ZC3H14: variants seen among roughly 807,000 people sequenced by gnomAD.
ZC3H14 encodes zinc finger CCCH domain-containing protein 14.
A neutral mutation model predicts 92.4 loss-of-function variants in ZC3H14; 31 were observed. The observed-to-expected ratio is 0.34, with a 90% CI of 0.25 to 0.45. The LOEUF is 0.45. Ranked by LOEUF, ZC3H14 falls within the 20% of genes least tolerant of loss-of-function variation. The pLI, the probability that ZC3H14 is intolerant of heterozygous loss-of-function variation, is 1.00. For missense variants in ZC3H14, 781 were observed against 897.3 expected (o/e 0.87, Z 1.66); for synonymous variants, 321 against 300.9 (o/e 1.07, Z -0.69).
rs1484969788 is a variant in ZC3H14 at position 88,615,262 on chromosome 14, T to TA, written c.*3517dup. 1 of 152,206 alleles carries TA rather than the reference T, an allele frequency of 6.6e-6. No homozygotes were observed. Among genetic ancestry groups the TA allele is most frequent in the Non-Finnish European group, 1.5e-5 (1 of 68,034 alleles). The allele number at this position is 152,206 out of a possible 1,614,324, so 9.4% of individuals were successfully genotyped here. On this transcript the variant is annotated 3_prime_UTR_variant, in exon 17 of 17. Coordinates refer to ENST00000251038, the MANE Select transcript of ZC3H14 (RefSeq NM_024824.5). ...TATAAAAAAGGACCTTATTAATGCC[T>TA]AAAAAACATCATATTCTCTAGGAAA... is the stretch of plus-strand genomic sequence containing the variant.
At chr14:88,611,009 T>G in intron 16 of ZC3H14, 69 bp downstream of exon 16, 1 of 1,469,002 alleles carries the variant, frequency 6.8e-7, no homozygotes, top group Admixed American at 1.7e-5. Context: ...TTTCTAAATT[T>G]ATAAGCACAC....
At chr14:88,585,628 T>TA (rs1444331389) in intron 9 of ZC3H14, among the ~76,000 whole-genome samples, 2 of 152,092 alleles carry the variant, frequency 1.3e-5, no homozygotes, top group African/African-American at 4.8e-5. Flanking sequence ...CTGACCTTGT[T>TA]ATCTGCCCGC....
At chr14:88,599,307 C>G (rs747198310) in intron 10 of ZC3H14, among the ~76,000 whole-genome samples, 69 of 152,192 alleles carry the variant, frequency 4.5e-4, no homozygotes, top group Non-Finnish European at 7.8e-4. Flanking sequence ...TCTTAATCAT[C>G]TGTTTTCCAC....
intron 13 of ZC3H14, chr14:88,608,779 C>G (rs2086040830): frequency 6.1e-6 from 1 of 164,468 alleles, no homozygotes. Context: ...ATGTAATGAG[C>G]TTTATGAGAT....
In ZC3H14 at chr14:88,602,069, C is replaced by T; in HGVS notation, c.1500C>T (p.His500=). 1.2e-6 allele frequency: 2 copies of T among 1,614,026 alleles called. No homozygotes were observed. The highest frequency in any genetic ancestry group is 1.7e-6 in the Non-Finnish European group (2 of 1,179,926). The change falls in exon 11 of 17, where the codon CAC becomes CAT. Residue 500 remains histidine (H), a synonymous_variant. Transcript: ENST00000251038. Reference sequence around the variant, plus strand: ...ATTCCCTTCGGGTACTTTCAGGACACCTTATGCAGACACGGTAGATGGTTT... The same window carrying T: ...ATTCCCTTCGGGTACTTTCAGGACATCTTATGCAGACACGGTAGATGGTTT... ...TADSLRVLSG[H]LMQTRDLVQP...
intron 1 of ZC3H14, 22 bp downstream of exon 1, chr14:88,563,191 G>A (rs1402123230): frequency 6.2e-7 from 1 of 1,602,228 alleles, no homozygotes. Context: ...GCCGGTCGGG[G>A]GTGGGAAGCC....
In ZC3H14 at chr14:88,622,894, C is replaced by T; in HGVS notation, c.*11143C>T. ...GGCAATTTGAGGATATACTATATCTCAGTCAAAATAAACATCCAGTTTCAG... is the reference window on the plus strand; with the variant it reads ...GGCAATTTGAGGATATACTATATCTTAGTCAAAATAAACATCCAGTTTCAG... On this transcript the variant is annotated 3_prime_UTR_variant, in exon 17 of 17. Coordinates refer to ENST00000251038, the MANE Select transcript of ZC3H14 (RefSeq NM_024824.5). 2.2e-6 allele frequency: 1 copy of T among 449,636 alleles called. No individual in the cohort carries two copies. Among genetic ancestry groups the T allele is most frequent in the Non-Finnish European group, 3.9e-6 (1 of 256,414 alleles). The allele number at this position is 449,636 out of a possible 1,614,324, so 27.9% of individuals were successfully genotyped here. A position where few individuals can be genotyped will look rare whatever the true frequency, so the allele number is the denominator to read the frequency against.
At chr14:88,570,916 G>T (rs191309820) in intron 3 of ZC3H14, among the ~76,000 whole-genome samples, 168 bp from the exon 4 acceptor site, 1 of 151,956 alleles carries the variant, frequency 6.6e-6, no homozygotes, top group Admixed American at 6.6e-5. Flanking sequence ...AGGACTTCAA[G>T]ACCAGCCTGG....
chr14:88,563,555 G>A (rs1237535300), intron 1 of ZC3H14, 96 bp from the exon 2 acceptor site: 2 of 1,585,042 alleles, frequency 1.3e-6, no homozygotes, highest in Admixed American at 1.7e-5. Flanking sequence ...GATCCGAGGT[G>A]CGCGCACCAG....
In ZC3H14 at chr14:88,622,744, A is replaced by C; in HGVS notation, c.*10993A>C. Reference sequence around the variant, plus strand: ...CTAAGTAAATAACCAAGCCAGAGTAAGTGTTCATTATTGGCTACTATAATT... The same window carrying C: ...CTAAGTAAATAACCAAGCCAGAGTACGTGTTCATTATTGGCTACTATAATT... On this transcript the variant is annotated 3_prime_UTR_variant, in exon 17 of 17. Transcript: ENST00000251038. 1.3e-6 allele frequency: 2 copies of C among 1,520,820 alleles called. No homozygotes were observed. The highest frequency in any genetic ancestry group is 1.7e-4 in the Middle Eastern group (1 of 5,762). The allele number at this position is 1,520,820 out of a possible 1,614,324, so 94.2% of individuals were successfully genotyped here.
chr14:88,618,373 G>A lies in ZC3H14; in HGVS notation c.*6622G>A, dbSNP rs778842649. The A allele has an allele frequency of 6.4e-6, 10 of 1,557,408 alleles. No individual in the cohort carries two copies. Among genetic ancestry groups the A allele is most frequent in the Non-Finnish European group, 8.8e-6 (10 of 1,132,106 alleles). The stretch of plus-strand genomic sequence containing the variant: ...AAATGGGACAAGAATTCCATTAGGT[G>A]AGAGACAAAATCCACAGGGGGTTTA... On this transcript the variant is annotated 3_prime_UTR_variant, in exon 17 of 17. Coordinates refer to ENST00000251038, the MANE Select transcript of ZC3H14 (RefSeq NM_024824.5).
chr14:88,605,488 A>C (rs934653026), intron 12 of ZC3H14, among the ~76,000 whole-genome samples: 1 of 152,092 alleles, frequency 6.6e-6, no homozygotes, highest in Admixed American at 6.6e-5. Context: ...GCACACCACC[A>C]TGCCTGGCTA....
Position 88,626,000 on chromosome 14 carries a change from C to G in ZC3H14, c.*14249C>G, listed in dbSNP as rs1008227183. The G allele has an allele frequency of 2.6e-5, 4 of 152,172 alleles. No individual in the cohort carries two copies. The highest frequency in any genetic ancestry group is 2.9e-5 in the Non-Finnish European group (2 of 68,040). The allele number at this position is 152,172 out of a possible 1,614,324, so 9.4% of individuals were successfully genotyped here. A position where few individuals can be genotyped will look rare whatever the true frequency, so the allele number is the denominator to read the frequency against. ...GGAATAAAGTGAGAGGAGAGCAGGT[C>G]TCCTGAACACCCTTCTGTCAGGGCC... is the stretch of plus-strand genomic sequence containing the variant. On this transcript the variant is annotated 3_prime_UTR_variant, in exon 17 of 17. Coordinates refer to ENST00000251038, the MANE Select transcript of ZC3H14 (RefSeq NM_024824.5).
At chr14:88,576,733 C>T (rs774876895) in intron 8 of ZC3H14, among the ~76,000 whole-genome samples, 15 of 152,116 alleles carry the variant, frequency 9.9e-5, no homozygotes, top group Non-Finnish European at 2.2e-4. Context: ...TCCACTCTCT[C>T]GCTTTTTTTT....
In ZC3H14 at chr14:88,611,863, T is replaced by C; in HGVS notation, c.*112T>C. 1 of 1,454,120 alleles carries C rather than the reference T, an allele frequency of 6.9e-7. No individual in the cohort carries two copies. Among genetic ancestry groups the C allele is most frequent in the Non-Finnish European group, 9.5e-7 (1 of 1,048,642 alleles). 90.1% of individuals were successfully genotyped at this position (1,454,120 alleles called of 1,614,324 possible). A position where few individuals can be genotyped will look rare whatever the true frequency, so the allele number is the denominator to read the frequency against. On this transcript the variant is annotated 3_prime_UTR_variant, in exon 17 of 17. Transcript: ENST00000251038. ...TGAAACTTGGAATATATTGCTTTCA[T>C]AATATGAAGTTTTATTGCCTATCTA...
Position 88,621,122 on chromosome 14 carries a change from A to C in ZC3H14, c.*9371A>C. ...AATTATCTGTACTTACTTTATCAGC[A>C]ATATCCCAAAGTCTCACTGTCCCAT... On this transcript the variant is annotated 3_prime_UTR_variant, in exon 17 of 17. Transcript: ENST00000251038. 6.2e-7 allele frequency: 1 copy of C among 1,613,760 alleles called. No individual in the cohort carries two copies.
chr14:88,578,292 T>C, intron 9 of ZC3H14, 152 bp downstream of exon 9: 2 of 1,226,592 alleles, frequency 1.6e-6, no homozygotes, highest in Non-Finnish European at 2.3e-6. Context: ...GGAAGGTTCA[T>C]ACCAACACTT....
chr14:88,626,457 T>G lies in ZC3H14; in HGVS notation c.*14706T>G, dbSNP rs189439638. On this transcript the variant is annotated 3_prime_UTR_variant, in exon 17 of 17. Transcript: ENST00000251038. ...CAACATAGCGAAACCCTGTCTCTAC[T>G]AAAAATGAAAGAAAAATTAGCCTAG... The G allele has an allele frequency of 1.3e-3, 256 of 190,564 alleles. 3 individuals carry two copies. In the South Asian group the frequency reaches 0.021, roughly 16 times the overall value. The allele number at this position is 190,564 out of a possible 1,614,324, so 11.8% of individuals were successfully genotyped here. A position where few individuals can be genotyped will look rare whatever the true frequency, so the allele number is the denominator to read the frequency against.
rs1462010944 is a variant in ZC3H14, at chr14:88,621,768, T to C, written c.*10017T>C. ...CGCTCAAAAATTTTCATAGGAGTTGTAGTTTTGAATTTTTATTTTGAAATT... is the reference window on the plus strand; with the variant it reads ...CGCTCAAAAATTTTCATAGGAGTTGCAGTTTTGAATTTTTATTTTGAAATT... On this transcript the variant is annotated 3_prime_UTR_variant, in exon 17 of 17. Coordinates refer to ENST00000251038, the MANE Select transcript of ZC3H14 (RefSeq NM_024824.5). 4 of 345,258 alleles carry C rather than the reference T, an allele frequency of 1.2e-5. No homozygotes were observed. Among genetic ancestry groups the C allele is most frequent in the Non-Finnish European group, 2.3e-5 (4 of 172,630 alleles). 21.4% of individuals were successfully genotyped at this position (345,258 alleles called of 1,614,324 possible).
Sources: gnomAD v4.1 joint callset for allele counts (sites outside exome capture counted in the v4.1 genomes callset) on GRCh38, gnomAD v4.1.1 for gene constraint, MANE v1.5 for transcripts, NCBI Gene and HGNC (gene_info 2026-07-23, HGNC 2026-07-21) for gene names.